Variants in EDC3 observed in about 807,000 individuals in gnomAD.
EDC3 encodes the protein enhancer of mRNA-decapping protein 3.
Under a neutral mutation model 41.8 loss-of-function variants are expected in EDC3, and 20 were observed. The observed-to-expected ratio is 0.48, with a 90% CI of 0.34 to 0.70. The LOEUF (loss-of-function observed/expected upper bound fraction) is 0.70. Ranked by LOEUF, EDC3 falls within the 30% of genes least tolerant of loss-of-function variation. EDC3 has a pLI of 0.01. For synonymous variants in EDC3, 206 were observed against 243.2 expected, an observed-to-expected ratio of 0.85 and a Z score of 1.42; for missense variants, 444 against 636.8, an observed-to-expected ratio of 0.70 and a Z score of 3.26.
chr15:74,688,784 G>C (rs947285848), intron 1 of EDC3, among the ~76,000 whole-genome samples: 1 of 152,032 alleles, frequency 6.6e-6, no homozygotes, highest in Non-Finnish European at 1.5e-5. Flanking sequence ...GCACATGCCT[G>C]TAATCCCAGC....
chr15:74,675,878 C>T (rs1368172341), intron 1 of EDC3, among the ~76,000 whole-genome samples: 1 of 132,630 alleles, frequency 7.5e-6, no homozygotes, highest in Non-Finnish European at 1.5e-5. Flanking sequence ...GAGACTCTGC[C>T]TCAAAAAAAA....
intron 1 of EDC3, among the ~76,000 whole-genome samples, chr15:74,683,836 A>G (rs968403569): frequency 6.6e-6 from 1 of 152,196 alleles, no homozygotes; most frequent in African/African-American, 2.4e-5. Flanking sequence ...ATCATTCACT[A>G]TATTTAAAAA....
At position 74,685,024 on chromosome 15, in the gene EDC3, C is replaced by T. The variant is rs530972752; in HGVS notation, c.-18-9882G>A. 2.1e-3 allele frequency among the ~76,000 whole-genome samples: 313 copies of T among 152,286 alleles called. 1 individual carries two copies. The highest frequency in any genetic ancestry group is 4.0e-3 in the Non-Finnish European group (269 of 68,040). ...GTCTACCCAATCTAACGTGGCTACT[C>T]ATCGTTATTCTCCAACACCTTAAAT... On this transcript the variant is annotated intron_variant, in intron 1 of 6. Transcript: ENST00000315127.
intron 1 of EDC3, among the ~76,000 whole-genome samples, chr15:74,682,348 G>A (rs1435251346): frequency 6.6e-6 from 1 of 151,938 alleles, no homozygotes; most frequent in Non-Finnish European, 1.5e-5. Context: ...GCTGGGCACG[G>A]TGGCTCACGC....
intron 5 of EDC3, chr15:74,635,842 C>G (rs1336710976): frequency 1.7e-6 from 1 of 579,200 alleles, no homozygotes; most frequent in Non-Finnish European, 3.1e-6. Flanking sequence ...ATTGCTGGGT[C>G]CTCCCACTAA....
intron 3 of EDC3, among the ~76,000 whole-genome samples, chr15:74,659,806 G>C (rs1051120514): frequency 4.4e-4 from 67 of 152,252 alleles, no homozygotes; most frequent in African/African-American, 1.6e-3. Flanking sequence ...CAGCACTTTG[G>C]GAGGCTGAGG....
chr15:74,694,914 T>C (rs2063048350), intron 1 of EDC3, among the ~76,000 whole-genome samples: 1 of 150,780 alleles, frequency 6.6e-6, no homozygotes, highest in African/African-American at 2.4e-5. Context: ...ACAGAGAAAC[T>C]AGCTAAGAGG....
intron 5 of EDC3, chr15:74,638,150 CCTT>C (rs945185068): frequency 2.6e-5 from 4 of 151,946 alleles, no homozygotes; most frequent in Non-Finnish European, 5.9e-5. Context: ...ACCTCTCCTG[CCTT>C]CTTCTTCATC....
intron 4 of EDC3, among the ~76,000 whole-genome samples, chr15:74,654,787 T>C (rs905899171): frequency 6.6e-6 from 1 of 151,680 alleles, no homozygotes; most frequent in African/African-American, 2.4e-5. Context: ...TACTATTATC[T>C]ATAAAAAAAA....
At chr15:74,662,338 C>T (rs2062629619) in intron 3 of EDC3, among the ~76,000 whole-genome samples, 1 of 152,008 alleles carries the variant, frequency 6.6e-6, no homozygotes, top group South Asian at 2.1e-4. Context: ...GGAATGATGT[C>T]ATTCATACCT....
chr15:74,695,164 G>C (rs150011885), intron 1 of EDC3, among the ~76,000 whole-genome samples: 1 of 152,276 alleles, frequency 6.6e-6, no homozygotes, highest in African/African-American at 2.4e-5. Context: ...AAGACTGTTG[G>C]CTTGGTCAGT....
At chr15:74,656,708 A>C (rs955936829) in intron 3 of EDC3, among the ~76,000 whole-genome samples, 3 of 152,182 alleles carry the variant, frequency 2.0e-5, no homozygotes, top group African/African-American at 4.8e-5. Context: ...ACTGTGGCCC[A>C]AAGTGAGAAC....
intron 1 of EDC3, chr15:74,687,215 C>T (rs1173704668): frequency 6.6e-6 from 1 of 151,888 alleles, no homozygotes; most frequent in Admixed American, 6.6e-5. Context: ...CAGTATGCCC[C>T]ATTAGAAACA....
intron 1 of EDC3, among the ~76,000 whole-genome samples, chr15:74,676,191 T>C (rs1596326868): frequency 6.6e-6 from 1 of 152,038 alleles, no homozygotes; most frequent in Admixed American, 6.6e-5. Flanking sequence ...AGTCAGAAAA[T>C]AGTTCTAACT....
chr15:74,655,720 T>A lies in EDC3; in HGVS notation c.820+13A>T. The A allele has an allele frequency of 6.3e-7, 1 of 1,590,772 alleles. No homozygotes were observed. The highest frequency in any genetic ancestry group is 2.3e-5 in the East Asian group (1 of 44,376). The stretch of plus-strand genomic sequence containing the variant: ...ACAGCAACCAGCAGGATGTGGGACC[T>A]GATGCAACTCACCCGTGCAGAACTC... On this transcript the variant is annotated intron_variant, in intron 4 of 6. Coordinates refer to ENST00000315127, the MANE Select transcript of EDC3 (RefSeq NM_025083.5).
intron 4 of EDC3, among the ~76,000 whole-genome samples, chr15:74,652,385 G>A (rs1010461642): frequency 6.6e-6 from 1 of 151,876 alleles, no homozygotes; most frequent in Non-Finnish European, 1.5e-5. Context: ...CCACCACCAT[G>A]CCCGGCTCAT....
chr15:74,657,045 T>G (rs373223919), intron 3 of EDC3, among the ~76,000 whole-genome samples: 1 of 152,216 alleles, frequency 6.6e-6, no homozygotes, highest in Non-Finnish European at 1.5e-5. Flanking sequence ...CTTTAATTCA[T>G]TCATGTGACC....
At position 74,645,603 on chromosome 15, in the gene EDC3, C is replaced by T. The variant is rs534585108; in HGVS notation, c.821-4984G>A. 2.1e-5 allele frequency among the ~76,000 whole-genome samples: 3 copies of T among 145,924 alleles called. No individual in the cohort carries two copies. In the South Asian group the frequency reaches 6.6e-4, roughly 32 times the overall value. ...TGCCAGGCAGGTGGCTCATGCCCGG[C>T]CAAAGAGTAATCCCAGCACTTTGGG... On this transcript the variant is annotated intron_variant, in intron 4 of 6. Coordinates refer to ENST00000315127, the MANE Select transcript of EDC3 (RefSeq NM_025083.5).
chr15:74,644,713 C>A (rs541647566), intron 4 of EDC3: 9 of 152,026 alleles, frequency 5.9e-5, no homozygotes, highest in East Asian at 1.9e-4. Flanking sequence ...TCCCCACTTA[C>A]AACTAGACCA....
Sources: gnomAD v4.1 joint callset for allele counts (sites outside exome capture counted in the v4.1 genomes callset) on GRCh38, gnomAD v4.1.1 for gene constraint, MANE v1.5 for transcripts, NCBI Gene and HGNC (gene_info 2026-07-23, HGNC 2026-07-21) for gene names.